SCAPER: variants seen among roughly 807,000 people sequenced by gnomAD.
SCAPER encodes the protein S-phase cyclin A associated protein in the ER, also known as S phase cyclin A-associated protein in the endoplasmic reticulum.
In SCAPER, 98 loss-of-function variants were observed where a neutral mutation model predicts 182.2. That is an observed-to-expected ratio of 0.54 (90% confidence interval 0.46 to 0.64). The LOEUF (loss-of-function observed/expected upper bound fraction) is 0.64. Among genes scored for constraint, SCAPER ranks in the 30% least tolerant of loss-of-function variants. The pLI is 0.00. For synonymous variants in SCAPER, 605 were observed against 564.6 expected (o/e 1.07, Z -1.01); for missense variants, 1,432 against 1,690.0 (o/e 0.85, Z 2.68).
chr15:76,721,456 T>C (rs1225230257), intron 17 of SCAPER, among the ~76,000 whole-genome samples: 1 of 152,028 alleles, frequency 6.6e-6, no homozygotes, highest in African/African-American at 2.4e-5. Context: ...TTTCCAATTC[T>C]GTGAAGAAAG....
intron 8 of SCAPER, among the ~76,000 whole-genome samples, chr15:76,785,829 G>A (rs867883047): frequency 3.3e-5 from 5 of 152,104 alleles, no homozygotes; most frequent in South Asian, 2.1e-4. Flanking sequence ...TGAACAACGC[G>A]AACACCTGGA....
chr15:76,356,757 C>A (rs568086616), intron 29 of SCAPER, among the ~76,000 whole-genome samples: 4 of 152,308 alleles, frequency 2.6e-5, no homozygotes, highest in Admixed American at 2.0e-4. Flanking sequence ...GGGCTTCCCA[C>A]AGAGCTTCCT....
chr15:76,428,064 C>G (rs1444974120), intron 26 of SCAPER, among the ~76,000 whole-genome samples: 6 of 151,924 alleles, frequency 3.9e-5, no homozygotes, highest in African/African-American at 1.2e-4. Flanking sequence ...CATGCCACTG[C>G]ACTCCAGCCT....
At position 76,621,801 on chromosome 15, in the gene SCAPER, T is replaced by C. The variant is rs368452343; in HGVS notation, c.2674A>G (p.Thr892Ala). ...RAKEYESLME[T>A]KNSGSDSPYK... ...GGTGAATCAGAGCCAGAATTTTTGGTTTCCATTAAACTCTCATATTCCTTA... is the reference window on the plus strand; with the variant it reads ...GGTGAATCAGAGCCAGAATTTTTGGCTTCCATTAAACTCTCATATTCCTTA... Residue 892 changes from threonine to alanine, a missense_variant, in exon 22 of 32, where the codon ACC (threonine) becomes GCC (alanine). Around this residue, in one of 5 missense-constraint regions of SCAPER, gnomAD observed 718 missense variants for 799.7 expected, o/e 0.90. Coordinates refer to ENST00000563290, the MANE Select transcript of SCAPER (RefSeq NM_020843.4). 9.3e-6 allele frequency: 15 copies of C among 1,607,864 alleles called. No individual in the cohort carries two copies. In the African/African-American group the frequency reaches 2.0e-4, roughly 21 times the overall value.
chr15:76,537,430 T>C (rs2044277190), intron 23 of SCAPER, among the ~76,000 whole-genome samples: 1 of 152,210 alleles, frequency 6.6e-6, no homozygotes, highest in Non-Finnish European at 1.5e-5. Context: ...TACAACTATC[T>C]GATCTTTGAC....
At chr15:76,646,520 G>A (rs1464452160) in intron 21 of SCAPER, among the ~76,000 whole-genome samples, 3 of 152,024 alleles carry the variant, frequency 2.0e-5, no homozygotes, top group Non-Finnish European at 4.4e-5. Context: ...CAGCTCAATG[G>A]CAATATATTA....
At chr15:76,491,641 T>C (rs895132964) in intron 24 of SCAPER, among the ~76,000 whole-genome samples, 2 of 152,128 alleles carry the variant, frequency 1.3e-5, no homozygotes, top group African/African-American at 4.8e-5. Flanking sequence ...GTTTTTTTGT[T>C]TTCTGTTTTT....
At chr15:76,900,148 G>C (rs1227979930) in intron 1 of SCAPER, among the ~76,000 whole-genome samples, 12 of 152,122 alleles carry the variant, frequency 7.9e-5, no homozygotes, top group Admixed American at 4.6e-4. Flanking sequence ...CAGCATGCTC[G>C]TTAAGAGTCA....
chr15:76,397,975 A>G (rs2044200267), intron 27 of SCAPER, among the ~76,000 whole-genome samples: 1 of 152,168 alleles, frequency 6.6e-6, no homozygotes, highest in Non-Finnish European at 1.5e-5. Context: ...GTCTTTTTAT[A>G]TTTACGATCT....
chr15:76,537,057 G>A (rs1181343645), intron 23 of SCAPER, among the ~76,000 whole-genome samples: 2 of 152,060 alleles, frequency 1.3e-5, no homozygotes, highest in African/African-American at 2.4e-5. Context: ...ATTGCTCAAT[G>A]AAATAAAAGA....
intron 4 of SCAPER, among the ~76,000 whole-genome samples, 166 bp from the exon 5 acceptor site, chr15:76,842,097 A>G (rs1365705719): frequency 6.6e-6 from 1 of 152,214 alleles, no homozygotes; most frequent in African/African-American, 2.4e-5. Context: ...TCTAAACAAT[A>G]CAGTATAACA....
chr15:76,359,395 C>T (rs1014022771), intron 29 of SCAPER, among the ~76,000 whole-genome samples: 2 of 152,230 alleles, frequency 1.3e-5, no homozygotes, highest in Non-Finnish European at 2.9e-5. Context: ...GGCTGCCAGC[C>T]AGGATCTTGC....
At chr15:76,771,245 C>T (rs1435162378) in intron 10 of SCAPER, among the ~76,000 whole-genome samples, 1 of 151,988 alleles carries the variant, frequency 6.6e-6, no homozygotes, top group Non-Finnish European at 1.5e-5. Context: ...TCATCCAAAA[C>T]CATAAATCTA....
intron 22 of SCAPER, among the ~76,000 whole-genome samples, chr15:76,605,214 T>C (rs2050278480): frequency 6.6e-6 from 1 of 152,200 alleles, no homozygotes; most frequent in Non-Finnish European, 1.5e-5. Flanking sequence ...CCTAACTTAT[T>C]GAAAGTTTTT....
intron 21 of SCAPER, among the ~76,000 whole-genome samples, chr15:76,643,534 T>C (rs1223422043): frequency 6.6e-6 from 1 of 151,876 alleles, no homozygotes; most frequent in Non-Finnish European, 1.5e-5. Context: ...ATACAAAAAT[T>C]AGCCAGGCAT....
intron 21 of SCAPER, among the ~76,000 whole-genome samples, chr15:76,652,509 T>TA (rs2055238135): frequency 4.7e-5 from 2 of 42,606 alleles, no homozygotes; most frequent in African/African-American, 1.6e-4. Flanking sequence ...ATATATATAT[T>TA]TACATACATA....
chr15:76,680,600 T>C (rs2057647428), intron 20 of SCAPER, among the ~76,000 whole-genome samples: 1 of 151,996 alleles, frequency 6.6e-6, no homozygotes, highest in African/African-American at 2.4e-5. Context: ...GTGGATGCCT[T>C]ATGATTAGAT....
intron 2 of SCAPER, among the ~76,000 whole-genome samples, chr15:76,875,499 C>T (rs1050339377): frequency 1.3e-5 from 2 of 152,054 alleles, no homozygotes; most frequent in South Asian, 2.1e-4. Context: ...CAAAACTTAG[C>T]GGGCGTGGTG....
intron 1 of SCAPER, among the ~76,000 whole-genome samples, chr15:76,888,296 C>T (rs146478769): frequency 1.8e-4 from 27 of 152,292 alleles, no homozygotes; most frequent in African/African-American, 6.5e-4. Flanking sequence ...CAGCTCCTCA[C>T]CAGCAACAGA....
Sources: gnomAD v4.1 joint callset for allele counts (sites outside exome capture counted in the v4.1 genomes callset) on GRCh38, gnomAD v4.1.1 for gene constraint, gnomAD v4.1.1 regional missense constraint, MANE v1.5 for transcripts, NCBI Gene and HGNC (gene_info 2026-07-23, HGNC 2026-07-21) for gene names.